SHROOM2: variants seen among roughly 807,000 people sequenced by gnomAD.
SHROOM2 encodes the protein shroom family member 2, also known as protein Shroom2.
A neutral mutation model predicts 75.9 loss-of-function variants in SHROOM2; 33 were observed. The ratio of observed to expected loss-of-function variants is 0.43; its 90% CI spans 0.33 to 0.58. SHROOM2 has a LOEUF of 0.58. Ranked by LOEUF, SHROOM2 falls within the 20% of genes least tolerant of loss-of-function variation. SHROOM2 has a pLI of 0.04. For missense variants in SHROOM2, 1,434 were observed against 1,461.2 expected (o/e 0.98, Z 0.30); for synonymous variants, 655 against 663.6 (o/e 0.99, Z 0.20).
chrX:9,802,867 G>A (rs752844364), intron 1 of SHROOM2, among the ~76,000 whole-genome samples: 139 of 109,208 alleles, frequency 1.3e-3, no homozygotes, highest in Middle Eastern at 4.7e-3. Flanking sequence ...CATGCAGGTC[G>A]TACATGGAGT....
chrX:9,896,819 A>G (rs961333455), intron 4 of SHROOM2, 121 bp downstream of exon 4: 2 of 781,032 alleles, frequency 2.6e-6, no homozygotes, highest in Non-Finnish European at 3.6e-6. Flanking sequence ...TACCTTTTCC[A>G]GATCTCCTAG....
Position 9,895,016 on chromosome X carries a change from T to C in SHROOM2, c.1108T>C (p.Trp370Arg). The C allele has an allele frequency of 8.3e-7, 1 of 1,209,272 alleles. No individual in the cohort carries two copies. Among genetic ancestry groups the C allele is most frequent in the Non-Finnish European group, 1.1e-6 (1 of 894,595 alleles). Residue 370 changes from tryptophan to arginine, a missense_variant, in exon 4 of 10, where the codon TGG becomes CGG. By Grantham distance (101) the Trp-to-Arg change is moderately radical (BLOSUM62 -3). Coordinates refer to ENST00000380913, the MANE Select transcript of SHROOM2 (RefSeq NM_001649.4). Reference sequence around the variant, plus strand: ...GAGACCAGAGCTCACCGATCGGCCTTGGAGGTCAGCACACCCGGGGAGCCT... The same window carrying C: ...GAGACCAGAGCTCACCGATCGGCCTCGGAGGTCAGCACACCCGGGGAGCCT... ...DRRPELTDRP[W>R]RSAHPGSLGK...
intron 1 of SHROOM2, among the ~76,000 whole-genome samples, chrX:9,793,337 C>A (rs1045104124): frequency 5.6e-5 from 6 of 107,913 alleles, no homozygotes; most frequent in Admixed American, 2.0e-4. Flanking sequence ...CCACTCAGGC[C>A]AGAGTGCAAT....
chrX:9,818,957 T>C (rs1192900477), intron 1 of SHROOM2: 1 of 604,748 alleles, frequency 1.7e-6, no homozygotes, highest in Non-Finnish European at 2.8e-6. Flanking sequence ...GGAGGGCTAA[T>C]TTCTTTGGTG....
chrX:9,946,137 G>A (rs756697982), intron 9 of SHROOM2, among the ~76,000 whole-genome samples: 5 of 113,069 alleles, frequency 4.4e-5, no homozygotes, highest in African/African-American at 6.4e-5. Flanking sequence ...ACAGCACTGC[G>A]TCTTCTCCAC....
intron 1 of SHROOM2, among the ~76,000 whole-genome samples, chrX:9,814,017 A>G (rs762940419): frequency 9.2e-4 from 103 of 112,115 alleles, no homozygotes; most frequent in Non-Finnish European, 1.7e-3. Context: ...GGGCTCTTCA[A>G]AGATGCAGGT....
intron 1 of SHROOM2, among the ~76,000 whole-genome samples, chrX:9,823,059 CCTCCTCCTCCTCCT>C (rs2083864436): frequency 3.2e-5 from 1 of 31,075 alleles, no homozygotes; most frequent in Non-Finnish European, 6.7e-5. Flanking sequence ...TCCTCCTCCT[CCTCCTCCTCCTCCT>C]CCCTTCTCCC....
At chrX:9,940,227 A>T (rs1406755085) in intron 8 of SHROOM2, among the ~76,000 whole-genome samples, 11 of 112,293 alleles carry the variant, frequency 9.8e-5, no homozygotes, top group Non-Finnish European at 2.1e-4. Flanking sequence ...AAAAATAATA[A>T]AGAATCCAAA....
At chrX:9,882,324 A>C (rs1441450383) in intron 2 of SHROOM2, among the ~76,000 whole-genome samples, 4 of 107,807 alleles carry the variant, frequency 3.7e-5, no homozygotes, top group Non-Finnish European at 5.7e-5. Flanking sequence ...ATGACTGCAC[A>C]CTTGAATGTG....
chrX:9,826,146 G>A (rs144676299), intron 1 of SHROOM2, among the ~76,000 whole-genome samples: 84 of 112,244 alleles, frequency 7.5e-4, no homozygotes, highest in Non-Finnish European at 1.3e-3. Context: ...ATGTCTCACC[G>A]CCCTGTCCAG....
At chrX:9,881,775 G>T (rs1255780733) in intron 2 of SHROOM2, among the ~76,000 whole-genome samples, 1 of 111,940 alleles carries the variant, frequency 8.9e-6, no homozygotes, top group Non-Finnish European at 1.9e-5. Context: ...CATGGTCTGG[G>T]CTCAATGTTT....
At chrX:9,798,182 A>ATGTC in intron 1 of SHROOM2, among the ~76,000 whole-genome samples, 1 of 111,244 alleles carries the variant, frequency 9.0e-6, no homozygotes. Flanking sequence ...GAGTTAGGAC[A>ATGTC]GCCTGTGGAG....
At chrX:9,801,634 T>G (rs1312185116) in intron 1 of SHROOM2, among the ~76,000 whole-genome samples, 1 of 112,445 alleles carries the variant, frequency 8.9e-6, no homozygotes, top group East Asian at 2.8e-4. Context: ...TTGACTACAT[T>G]GGGTTAAGTA....
At chrX:9,836,811 G>C (rs959887325) in intron 1 of SHROOM2, among the ~76,000 whole-genome samples, 1 of 111,050 alleles carries the variant, frequency 9.0e-6, no homozygotes, top group African/African-American at 3.3e-5. Flanking sequence ...CCTTCATCAT[G>C]ATTCAATTTT....
chrX:9,909,434 C>T (rs1035102267), intron 5 of SHROOM2, among the ~76,000 whole-genome samples: 4 of 112,758 alleles, frequency 3.5e-5, no homozygotes, highest in South Asian at 3.6e-4. Context: ...CCCCGCTCCC[C>T]GCTCAGTGTG....
chrX:9,823,056 C>CCCTT (rs2083864048), intron 1 of SHROOM2, among the ~76,000 whole-genome samples: 2 of 87,397 alleles, frequency 2.3e-5, no homozygotes, highest in Non-Finnish European at 4.6e-5. Context: ...TCCTCCTCCT[C>CCCTT]CTCCTCCTCC....
At chrX:9,794,251 C>G (rs1251287124) in intron 1 of SHROOM2, among the ~76,000 whole-genome samples, 1 of 112,009 alleles carries the variant, frequency 8.9e-6, no homozygotes, top group African/African-American at 3.2e-5. Context: ...CCAGCATGAT[C>G]CTATAAAACT....
intron 5 of SHROOM2, among the ~76,000 whole-genome samples, chrX:9,914,958 G>C (rs2084475580): frequency 9.0e-6 from 1 of 111,469 alleles, no homozygotes; most frequent in African/African-American, 3.3e-5. Context: ...AGTGCAGTGA[G>C]AAGGAATTTC....
At chrX:9,803,251 C>G (rs2083734135) in intron 1 of SHROOM2, among the ~76,000 whole-genome samples, 1 of 110,380 alleles carries the variant, frequency 9.1e-6, no homozygotes, top group African/African-American at 3.3e-5. Flanking sequence ...CATCCCAGCT[C>G]TTTCTCCCTC....
Sources: allele counts gnomAD v4.1 joint callset (sites outside exome capture counted in the v4.1 genomes callset), GRCh38; gene constraint gnomAD v4.1.1; transcripts MANE v1.5; gene names NCBI Gene and HGNC (gene_info 2026-07-23, HGNC 2026-07-21).